The following IMPG1 variants were observed in gnomAD, a reference collection of about 807,000 sequenced individuals.
The protein encoded by IMPG1 is interphotoreceptor matrix proteoglycan 1, also known as interphotoreceptor matrix proteoglycan of 150 kDa.
A neutral mutation model predicts 92.0 loss-of-function variants in IMPG1; 85 were observed. The observed-to-expected ratio is 0.92, with a 90% CI of 0.78 to 1.11. The LOEUF (loss-of-function observed/expected upper bound fraction) is 1.11. IMPG1 is among the 50% of genes least tolerant of loss of function. The probability of loss-of-function intolerance (pLI) is 0.00; values close to 1 mark genes in which losing one functional copy is unlikely to be tolerated. For synonymous variants in IMPG1, 367 were observed against 334.1 expected, an observed-to-expected ratio of 1.10 and a Z score of -1.08; for missense variants, 1,022 against 956.0, an observed-to-expected ratio of 1.07 and a Z score of -0.91.
intron 1 of IMPG1, among the ~76,000 whole-genome samples, chr6:76,046,741 A>C (rs1344410295): frequency 1.3e-5 from 2 of 152,146 alleles, no homozygotes; most frequent in Admixed American, 6.5e-5. Context: ...ATGAGTTATA[A>C]CATGGGCAGC....
intron 4 of IMPG1, among the ~76,000 whole-genome samples, chr6:76,027,308 G>C (rs1221066501): frequency 6.6e-6 from 1 of 152,158 alleles, no homozygotes; most frequent in Non-Finnish European, 1.5e-5. Context: ...AATAGGTAAG[G>C]CCTGGGGACA....
chr6:75,922,277 G>A, intron 16 of IMPG1, 111 bp from the exon 17 acceptor site: 1 of 588,358 alleles, frequency 1.7e-6, no homozygotes, highest in Non-Finnish European at 3.1e-6. Flanking sequence ...TGCCATTTAT[G>A]ACATCTTCTT....
intron 1 of IMPG1, among the ~76,000 whole-genome samples, chr6:76,060,996 T>C (rs1784196089): frequency 6.6e-6 from 1 of 152,168 alleles, no homozygotes; most frequent in African/African-American, 2.4e-5. Context: ...ACCAAAGGTA[T>C]AGAGAATCTG....
chr6:76,048,436 C>A (rs1292102298), intron 1 of IMPG1, among the ~76,000 whole-genome samples: 1 of 152,170 alleles, frequency 6.6e-6, no homozygotes, highest in Non-Finnish European at 1.5e-5. Flanking sequence ...TCCAGCACAG[C>A]ATCTGCTCAC....
chr6:75,931,389 C>T (rs1781667321), intron 14 of IMPG1, among the ~76,000 whole-genome samples: 1 of 152,156 alleles, frequency 6.6e-6, no homozygotes, highest in Admixed American at 6.5e-5. Context: ...CTTTAGTGTG[C>T]ATCAGAATCG....
chr6:76,026,159 A>G (rs1488311556), intron 4 of IMPG1, among the ~76,000 whole-genome samples: 1 of 152,094 alleles, frequency 6.6e-6, no homozygotes, highest in Non-Finnish European at 1.5e-5. Flanking sequence ...AAGAGTCCCT[A>G]TTTTCCCCTT....
chr6:76,034,322 G>A lies in IMPG1; in HGVS notation c.490C>T (p.Pro164Ser). The A allele has an allele frequency of 6.2e-7, 1 of 1,613,128 alleles. No homozygotes were observed. The highest frequency in any genetic ancestry group is 2.2e-5 in the East Asian group (1 of 44,848). The part of the protein sequence containing the change: ...LQQRIKQRSF[P>S]DRKDEISAEK... ...TCTATTTTGGGTACTTGCCTGTCAG[G>A]GAAACTTCTCTGTTTTATTCTCTGC... The change falls in exon 4 of 17, where the codon CCT (proline) becomes TCT (serine). Residue 164 changes from proline (P) to serine (S), a missense_variant. Transcript: ENST00000369950.
At chr6:75,927,095 T>G (rs775254105) in intron 15 of IMPG1, among the ~76,000 whole-genome samples, 2 of 152,194 alleles carry the variant, frequency 1.3e-5, no homozygotes, top group Non-Finnish European at 2.9e-5. Context: ...GAGTTTAGGT[T>G]TAAGTGCCAG....
intron 2 of IMPG1, 29 bp from the exon 3 acceptor site, chr6:76,034,816 C>A: frequency 1.3e-6 from 2 of 1,591,160 alleles, no homozygotes; most frequent in Non-Finnish European, 1.7e-6. Context: ...AATGGCCATG[C>A]CCTAAGAGGG....
intron 2 of IMPG1, among the ~76,000 whole-genome samples, chr6:76,039,362 T>G (rs898060899): frequency 1.3e-5 from 2 of 151,708 alleles, no homozygotes; most frequent in Non-Finnish European, 2.9e-5. Flanking sequence ...AGCTGTTTTT[T>G]TTTTTTTTTT....
At chr6:76,035,962 T>C (rs180708446) in intron 2 of IMPG1, among the ~76,000 whole-genome samples, 257 of 152,312 alleles carry the variant, frequency 1.7e-3, no homozygotes, top group African/African-American at 5.5e-3. Flanking sequence ...AGCTGATTGA[T>C]AGATCATTAA....
intron 15 of IMPG1, among the ~76,000 whole-genome samples, chr6:75,924,116 G>C (rs1351700943): frequency 1.3e-5 from 2 of 151,816 alleles, no homozygotes; most frequent in Non-Finnish European, 2.9e-5. Context: ...AGGATGTGGA[G>C]AAAAGGGAAC....
At chr6:75,945,378 G>T (rs1457481657) in intron 14 of IMPG1, among the ~76,000 whole-genome samples, 4 of 138,276 alleles carry the variant, frequency 2.9e-5, no homozygotes, top group African/African-American at 8.2e-5. Flanking sequence ...TTTGAGAGGA[G>T]TCTCTCTGTT....
At chr6:76,039,681 G>T (rs1783801162) in intron 2 of IMPG1, among the ~76,000 whole-genome samples, 1 of 152,098 alleles carries the variant, frequency 6.6e-6, no homozygotes, top group Non-Finnish European at 1.5e-5. Flanking sequence ...TGTTGGGTAT[G>T]GGAGGCAGAG....
At chr6:76,009,308 T>C (rs1366190535) in intron 8 of IMPG1, among the ~76,000 whole-genome samples, 1 of 152,212 alleles carries the variant, frequency 6.6e-6, no homozygotes, top group Non-Finnish European at 1.5e-5. Context: ...TAATGATACA[T>C]GTCCTAACTA....
chr6:76,065,455 T>C (rs953860043), intron 1 of IMPG1, among the ~76,000 whole-genome samples: 12 of 152,088 alleles, frequency 7.9e-5, no homozygotes, highest in African/African-American at 2.7e-4. Flanking sequence ...TGTAAAAAGT[T>C]TTAACAATAG....
chr6:76,035,025 T>C (rs1783715331), intron 2 of IMPG1, among the ~76,000 whole-genome samples: 1 of 151,880 alleles, frequency 6.6e-6, no homozygotes, highest in Non-Finnish European at 1.5e-5. Flanking sequence ...TGCGTGTGTG[T>C]GTGTGTGCAA....
intron 11 of IMPG1, 129 bp from the exon 12 acceptor site, chr6:76,003,125 C>G: frequency 1.5e-6 from 1 of 675,762 alleles, no homozygotes; most frequent in South Asian, 1.7e-5. Context: ...CTTGAATCTA[C>G]TATGGAGGAA....
chr6:75,922,118 A>G lies in IMPG1; in HGVS notation c.2365T>C (p.Phe789Leu). Residue 789 changes from phenylalanine (F) to leucine (L), a missense_variant, in exon 17 of 17, where the codon TTT (phenylalanine) becomes CTT (leucine). Phe to Leu is a conservative substitution (Grantham distance 22). Around this residue, in one of 3 missense-constraint regions of IMPG1, gnomAD observed 332 missense variants for 346.2 expected, o/e 0.96. Coordinates refer to ENST00000369950, the MANE Select transcript of IMPG1 (RefSeq NM_001563.4). The stretch of plus-strand genomic sequence containing the variant: ...TTTCCTTCCCAATCTTGATGGTTAA[A>G]TTCTTCATATTCTACGGTCAGTAAT... Reference protein sequence around the residue: ...SELLTVEYEEFNHQDWEGN With the variant: ...SELLTVEYEELNHQDWEGN 7.3e-7 allele frequency: 1 copy of G among 1,375,326 alleles called. No individual in the cohort carries two copies. Among genetic ancestry groups the G allele is most frequent in the Non-Finnish European group, 1.0e-6 (1 of 973,766 alleles). The allele number at this position is 1,375,326 out of a possible 1,614,324, so 85.2% of individuals were successfully genotyped here. A position where few individuals can be genotyped will look rare whatever the true frequency, so the allele number is the denominator to read the frequency against.
Sources: allele counts gnomAD v4.1 joint callset (sites outside exome capture counted in the v4.1 genomes callset), GRCh38; gene constraint gnomAD v4.1.1; regional missense constraint gnomAD v4.1.1; transcripts MANE v1.5; gene names NCBI Gene and HGNC (gene_info 2026-07-23, HGNC 2026-07-21).